The following NINJ2 variants were observed in gnomAD, a reference collection of about 807,000 sequenced individuals.
NINJ2 encodes ninjurin 2, also known as ninjurin-2.
In NINJ2, 12 loss-of-function variants were observed where a neutral mutation model predicts 11.7. The observed-to-expected ratio is 1.02, with a 90% confidence interval of 0.66 to 1.66. The LOEUF (loss-of-function observed/expected upper bound fraction) is 1.66, where lower values mean the gene tolerates loss of function less well. Among genes scored for constraint, NINJ2 ranks in the 40% most tolerant of loss-of-function variants. The probability of loss-of-function intolerance (pLI) is 0.00; values close to 1 mark genes in which losing one functional copy is unlikely to be tolerated. For missense variants in NINJ2, 187 were observed against 181.8 expected (o/e 1.03, Z -0.16); for synonymous variants, 93 against 76.8 (o/e 1.21, Z -1.10).
chr12:583,266 G>A (rs111594202), intron 1 of NINJ2, among the ~76,000 whole-genome samples: 2 of 152,246 alleles, frequency 1.3e-5, no homozygotes, highest in Non-Finnish European at 2.9e-5. Flanking sequence ...TGCTAGTCCT[G>A]CCTTTAGCGC....
Position 613,605 on chromosome 12 carries a change from T to C in NINJ2, c.34-47427A>G, listed in dbSNP as rs906793050. Among the ~76,000 whole-genome samples the C allele has an allele frequency of 7.3e-5, 11 of 149,978 alleles. 1 individual carries two copies. The highest frequency in any genetic ancestry group is 1.6e-4 in the Non-Finnish European group (11 of 67,682). On this transcript the variant is annotated intron_variant, in intron 1 of 3. Coordinates refer to ENST00000305108, the MANE Select transcript of NINJ2 (RefSeq NM_016533.6). Reference sequence around the variant, plus strand: ...GACTAGGAGACAGAACGAGACTCTGTCTCAAAAATAAATAAATAGGCCGGG... The same window carrying C: ...GACTAGGAGACAGAACGAGACTCTGCCTCAAAAATAAATAAATAGGCCGGG...
intron 1 of NINJ2, among the ~76,000 whole-genome samples, chr12:630,299 G>GTCT (rs1366326317): frequency 6.6e-6 from 1 of 151,868 alleles, no homozygotes; most frequent in African/African-American, 2.4e-5. Flanking sequence ...TAGCAGAGAG[G>GTCT]GTCATTGCTT....
intron 1 of NINJ2, among the ~76,000 whole-genome samples, chr12:629,386 C>T (rs1948243576): frequency 1.3e-5 from 2 of 152,194 alleles, no homozygotes; most frequent in South Asian, 4.1e-4. Flanking sequence ...CACTGCGATG[C>T]CACCTGGGTG....
chr12:658,735 T>C (rs7307654), intron 1 of NINJ2, among the ~76,000 whole-genome samples: 2,906 of 147,688 alleles, frequency 0.02, 53 homozygotes, highest in African/African-American at 0.05. Flanking sequence ...GCTAATGCTA[T>C]GCTATGCTAT....
At chr12:639,367 T>C (rs1200716771) in intron 1 of NINJ2, among the ~76,000 whole-genome samples, 1 of 152,004 alleles carries the variant, frequency 6.6e-6, no homozygotes, top group Non-Finnish European at 1.5e-5. Flanking sequence ...CACAGAGAGG[T>C]GAAGTAACTT....
At chr12:622,068 G>A (rs913741150) in intron 1 of NINJ2, among the ~76,000 whole-genome samples, 4 of 148,078 alleles carry the variant, frequency 2.7e-5, no homozygotes, top group Non-Finnish European at 5.9e-5. Flanking sequence ...GCTGCAGTGA[G>A]CTGAGATCAC....
chr12:601,501 TC>T, intron 1 of NINJ2, among the ~76,000 whole-genome samples: 1 of 149,408 alleles, frequency 6.7e-6, no homozygotes, highest in South Asian at 2.1e-4. Context: ...TGAGCCAAGA[TC>T]AGGCCACTGC....
intron 1 of NINJ2, among the ~76,000 whole-genome samples, chr12:631,388 GGA>G (rs550403819): frequency 1.3e-5 from 2 of 151,912 alleles, no homozygotes; most frequent in Non-Finnish European, 2.9e-5. Flanking sequence ...ATTTTGAGAC[GGA>G]GTCTCCCTCT....
At chr12:571,921 G>A (rs755244359) in intron 1 of NINJ2, among the ~76,000 whole-genome samples, 33 of 152,186 alleles carry the variant, frequency 2.2e-4, no homozygotes, top group African/African-American at 5.6e-4. Context: ...CATGGAGCCC[G>A]CAGATCAGTG....
chr12:566,526 C>T (rs1947303343), intron 1 of NINJ2, among the ~76,000 whole-genome samples: 2 of 152,138 alleles, frequency 1.3e-5, no homozygotes, highest in South Asian at 4.1e-4. Context: ...CAGGCCTCAG[C>T]TTTGGGCTGT....
chr12:595,409 A>C (rs932627814), intron 1 of NINJ2, among the ~76,000 whole-genome samples: 1 of 152,254 alleles, frequency 6.6e-6, no homozygotes, highest in Non-Finnish European at 1.5e-5. Context: ...TTATTAAATT[A>C]AATGCCTCTG....
chr12:629,347 G>A (rs545144018), intron 1 of NINJ2, among the ~76,000 whole-genome samples: 4 of 152,316 alleles, frequency 2.6e-5, no homozygotes, highest in East Asian at 1.9e-4. Context: ...GATTTGCACC[G>A]AGGCAGTCTG....
intron 1 of NINJ2, among the ~76,000 whole-genome samples, chr12:608,066 A>T (rs1039822210): frequency 6.6e-6 from 1 of 152,138 alleles, no homozygotes; most frequent in African/African-American, 2.4e-5. Flanking sequence ...CTGTGGATGG[A>T]TGGAGGATGA....
At chr12:653,693 CA>C (rs879090673) in intron 1 of NINJ2, among the ~76,000 whole-genome samples, 26 of 142,742 alleles carry the variant, frequency 1.8e-4, no homozygotes, top group Admixed American at 2.1e-4. Flanking sequence ...CCACCAAAGG[CA>C]AAAAAAAAAG....
intron 1 of NINJ2, among the ~76,000 whole-genome samples, chr12:632,772 T>C (rs555755885): frequency 6.6e-6 from 1 of 152,306 alleles, no homozygotes; most frequent in South Asian, 2.1e-4. Flanking sequence ...TTCATCAACA[T>C]AGACAAATCC....
At chr12:659,872 A>C (rs938340877) in intron 1 of NINJ2, among the ~76,000 whole-genome samples, 2 of 152,224 alleles carry the variant, frequency 1.3e-5, no homozygotes, top group African/African-American at 4.8e-5. Flanking sequence ...GTACTTCTGA[A>C]CAGGTCAGAC....
chr12:659,525 C>G (rs1323979233), intron 1 of NINJ2, among the ~76,000 whole-genome samples: 1 of 152,176 alleles, frequency 6.6e-6, no homozygotes, highest in Non-Finnish European at 1.5e-5. Flanking sequence ...CCTGGCAGGG[C>G]TACCAGTGAA....
chr12:564,843 G>T (rs753685022), intron 3 of NINJ2, among the ~76,000 whole-genome samples, 162 bp from the exon 4 acceptor site: 1 of 152,268 alleles, frequency 6.6e-6, no homozygotes, highest in Non-Finnish European at 1.5e-5. Flanking sequence ...AAGTTCCTGG[G>T]TGGTTTGTGG....
chr12:642,371 C>G (rs912443088), intron 1 of NINJ2, among the ~76,000 whole-genome samples: 4 of 152,360 alleles, frequency 2.6e-5, no homozygotes, highest in South Asian at 4.1e-4. Flanking sequence ...GCTGGGACTA[C>G]AGGCGCCCGC....
Sources: allele counts gnomAD v4.1 joint callset (sites outside exome capture counted in the v4.1 genomes callset), GRCh38; gene constraint gnomAD v4.1.1; transcripts MANE v1.5; gene names NCBI Gene and HGNC (gene_info 2026-07-23, HGNC 2026-07-21).